Variants in SYNE1 observed in about 807,000 individuals in gnomAD.
SYNE1 encodes the protein nesprin-1.
In SYNE1, 616 loss-of-function variants were observed where a neutral mutation model predicts 1,111.0. The ratio of observed to expected loss-of-function variants is 0.55; its 90% CI spans 0.52 to 0.59. The LOEUF (loss-of-function observed/expected upper bound fraction) is 0.59. Among genes scored for constraint, SYNE1 ranks in the 20% least tolerant of loss-of-function variants. The pLI is 0.00. For missense variants in SYNE1, 10,006 were observed against 10,417.0 expected (o/e 0.96, Z 1.72); for synonymous variants, 3,855 against 3,825.8 (o/e 1.01, Z -0.28).
chr6:152,349,404 T>C (rs1457024730), intron 72 of SYNE1, among the ~76,000 whole-genome samples: 3 of 152,238 alleles, frequency 2.0e-5, no homozygotes, highest in African/African-American at 7.2e-5. Context: ...TGGGCTGGTA[T>C]TGTTATCATC....
At chr6:152,581,329 C>A (rs1206502841) in intron 3 of SYNE1, among the ~76,000 whole-genome samples, 1 of 152,184 alleles carries the variant, frequency 6.6e-6, no homozygotes. Context: ...GCCTGTACCT[C>A]AAATCAAATG....
rs34028822 is a variant in SYNE1 at position 152,436,089 on chromosome 6, G to T, written c.4162C>A (p.Arg1388=). The T allele has an allele frequency of 2.5e-6, 4 of 1,613,536 alleles. No homozygotes were observed. The highest frequency in any genetic ancestry group is 3.4e-6 in the Non-Finnish European group (4 of 1,179,928). Residue 1388 remains arginine, a synonymous_variant, in exon 33 of 146, where the codon CGG becomes AGG. Coordinates refer to ENST00000367255, the MANE Select transcript of SYNE1 (RefSeq NM_182961.4). ...ELEQTKEFSK[R]TESIAVQAEN... is the part of the protein sequence containing the mutation. ...GCCTGGACTGCAATACTTTCTGTCC[G>T]TTTAGAAAACTCCTAGAAAAAATAT...
At chr6:152,550,835 A>G (rs979355665) in intron 3 of SYNE1, among the ~76,000 whole-genome samples, 1 of 152,146 alleles carries the variant, frequency 6.6e-6, no homozygotes, top group African/African-American at 2.4e-5. Context: ...TCTAAAATCC[A>G]AAAGATTCTG....
At chr6:152,363,171 A>G (rs374118922) in intron 63 of SYNE1, among the ~76,000 whole-genome samples, 52 of 139,776 alleles carry the variant, frequency 3.7e-4, no homozygotes, top group Admixed American at 9.1e-4. Flanking sequence ...GTGAGCCACC[A>G]CACCCGGCCT....
intron 3 of SYNE1, among the ~76,000 whole-genome samples, chr6:152,601,350 G>A (rs183549350): frequency 2.4e-4 from 37 of 152,258 alleles, no homozygotes; most frequent in Admixed American, 1.5e-3. Context: ...AGAAATTGAG[G>A]TTCACCTAAT....
intron 21 of SYNE1, among the ~76,000 whole-genome samples, chr6:152,460,741 T>C (rs2098727215): frequency 7.4e-6 from 1 of 135,670 alleles, no homozygotes; most frequent in African/African-American, 3.1e-5. Context: ...AAAATGCTTA[T>C]GACTAGTGCT....
At chr6:152,309,487 AAC>A (rs1456863365) in intron 90 of SYNE1, among the ~76,000 whole-genome samples, 1 of 152,238 alleles carries the variant, frequency 6.6e-6, no homozygotes, top group Non-Finnish European at 1.5e-5. Context: ...AAAACTCTGT[AAC>A]ACAAGATAAC....
At chr6:152,596,913 A>G (rs1300937176) in intron 3 of SYNE1, among the ~76,000 whole-genome samples, 1 of 152,178 alleles carries the variant, frequency 6.6e-6, no homozygotes, top group South Asian at 2.1e-4. Flanking sequence ...AGACAAAGGC[A>G]CAAGCAAAAA....
intron 2 of SYNE1, among the ~76,000 whole-genome samples, chr6:152,632,140 C>T (rs1398541794): frequency 1.3e-5 from 2 of 152,176 alleles, no homozygotes; most frequent in Non-Finnish European, 2.9e-5. Flanking sequence ...AAACAGTGAA[C>T]ATTTCACTGG....
chr6:152,625,582 A>C (rs1361994806), intron 3 of SYNE1, among the ~76,000 whole-genome samples: 1 of 152,094 alleles, frequency 6.6e-6, no homozygotes, highest in Non-Finnish European at 1.5e-5. Flanking sequence ...TGTCTTCTGA[A>C]TTTTCAGGCT....
At chr6:152,232,782 C>T (rs1274544362) in intron 112 of SYNE1, among the ~76,000 whole-genome samples, 1 of 152,182 alleles carries the variant, frequency 6.6e-6, no homozygotes, top group Admixed American at 6.5e-5. Flanking sequence ...ACTTACAATT[C>T]GAAATCTTAC....
At chr6:152,373,655 C>A (rs2097227891) in intron 58 of SYNE1, among the ~76,000 whole-genome samples, 1 of 140,700 alleles carries the variant, frequency 7.1e-6, no homozygotes, top group South Asian at 2.3e-4. Context: ...CCCAGGTTAT[C>A]CTTTAATAGT....
chr6:152,332,407 T>C (rs1225115825), intron 77 of SYNE1, among the ~76,000 whole-genome samples: 1 of 152,246 alleles, frequency 6.6e-6, no homozygotes, highest in East Asian at 1.9e-4. Flanking sequence ...AGAAGTTGAA[T>C]CAAACCAAGT....
chr6:152,461,785 C>T, intron 20 of SYNE1, 45 bp from the exon 21 acceptor site: 14 of 1,613,064 alleles, frequency 8.7e-6, no homozygotes, highest in Non-Finnish European at 1.0e-5. Flanking sequence ...TGACACATTT[C>T]CTCTTAACTT....
intron 31 of SYNE1, 54 bp from the exon 32 acceptor site, chr6:152,441,324 C>G (rs1199911835): frequency 5.8e-6 from 9 of 1,550,170 alleles, no homozygotes; most frequent in Non-Finnish European, 7.9e-6. Flanking sequence ...ACAATACTAT[C>G]ATATTTTCAT....
chr6:152,163,819 T>A (rs932424258), intron 131 of SYNE1, among the ~76,000 whole-genome samples: 2 of 152,110 alleles, frequency 1.3e-5, no homozygotes, highest in Non-Finnish European at 2.9e-5. Flanking sequence ...TGTATGGTAG[T>A]GGGCTAGGGC....
At position 152,404,262 on chromosome 6, in the gene SYNE1, T is replaced by G; in HGVS notation, c.6776A>C (p.Asn2259Thr). 1.2e-6 allele frequency: 2 copies of G among 1,613,132 alleles called. No homozygotes were observed. The highest frequency in any genetic ancestry group is 2.2e-5 in the South Asian group (2 of 91,052). The change falls in exon 46 of 146, where the codon AAT becomes ACT. Residue 2259 changes from asparagine to threonine, a missense_variant. Around this residue, in one of 7 missense-constraint regions of SYNE1, gnomAD observed 4,955 missense variants for 5,017.2 expected, o/e 0.99. Transcript: ENST00000367255. ...ATTTTTAGTTAATTCTTTCAGATCA[T>G]TAACTTTGGAATGCAGTTCTTCCAA... The part of the protein sequence containing the change: ...LRLEELHSKV[N>T]DLKELTKNLE...
chr6:152,354,350 A>G (rs1161095603), intron 67 of SYNE1, among the ~76,000 whole-genome samples: 1 of 152,214 alleles, frequency 6.6e-6, no homozygotes, highest in African/African-American at 2.4e-5. Flanking sequence ...TATTGGAGCA[A>G]TTTCATATCA....
chr6:152,284,269 A>G, intron 95 of SYNE1, 97 bp from the exon 96 acceptor site: 33 of 1,261,124 alleles, frequency 2.6e-5, no homozygotes, highest in Non-Finnish European at 3.5e-5. Context: ...GATTAGCGGA[A>G]GAGATTTCAC....
Sources: allele counts gnomAD v4.1 joint callset (sites outside exome capture counted in the v4.1 genomes callset), GRCh38; gene constraint gnomAD v4.1.1; regional missense constraint gnomAD v4.1.1; transcripts MANE v1.5; gene names NCBI Gene and HGNC (gene_info 2026-07-23, HGNC 2026-07-21).